The following GNG2 variants were observed in gnomAD, a reference collection of about 807,000 sequenced individuals.
GNG2 encodes G protein subunit gamma 2, also known as guanine nucleotide-binding protein G(I)/G(S)/G(O) subunit gamma-2.
GNG2 carries 5 observed loss-of-function variants against 5.5 expected under a neutral mutation model. The observed-to-expected ratio is 0.91, with a 90% confidence interval of 0.48 to 1.92. The LOEUF is 1.92. Among genes scored for constraint, GNG2 ranks in the 30% most tolerant of loss-of-function variants. The probability of loss-of-function intolerance (pLI) is 0.01; values close to 1 mark genes in which losing one functional copy is unlikely to be tolerated. For missense variants in GNG2, 55 were observed against 88.4 expected, an observed-to-expected ratio of 0.62 and a Z score of 1.52; for synonymous variants, 28 against 32.0, an observed-to-expected ratio of 0.88 and a Z score of 0.42.
Position 51,848,472 on chromosome 14 carries a change from T to A in GNG2, c.64+20665T>A, listed in dbSNP as rs188969643. Among the ~76,000 whole-genome samples the A allele has an allele frequency of 2.5e-3, 387 of 152,248 alleles. 1 individual carries two copies. Among genetic ancestry groups the A allele is most frequent in the Non-Finnish European group, 4.8e-3 (325 of 68,018 alleles). ...ATTCTGCTCTATCCATGCTGACCCC[T>A]CCTTGATGCTTCTGAACACACCCAA... On this transcript the variant is annotated intron_variant, in intron 2 of 3. Coordinates refer to the GNG2 transcript ENST00000553432.
chr14:51,968,510 G>C lies in GNG2; in HGVS notation c.*1823G>C, dbSNP rs534406525. On this transcript the variant is annotated 3_prime_UTR_variant, in exon 4 of 4. Coordinates refer to ENST00000556766, the MANE Select transcript of GNG2 (RefSeq NM_053064.5). ...TACATCCAATTAAAGCTCATGCTGG[G>C]GTCGGGGAGAAGAGGATACTGAAAC... 7 of 152,254 alleles carry C rather than the reference G, an allele frequency of 4.6e-5. No homozygotes were observed. In the East Asian group the frequency reaches 1.2e-3, roughly 25 times the overall value. 9.4% of individuals were successfully genotyped at this position (152,254 alleles called of 1,614,324 possible). A position where few individuals can be genotyped will look rare whatever the true frequency, so the allele number is the denominator to read the frequency against.
intron 2 of GNG2, among the ~76,000 whole-genome samples, chr14:51,915,067 G>A (rs1308497709): frequency 2.0e-5 from 3 of 152,186 alleles, no homozygotes; most frequent in Non-Finnish European, 4.4e-5. Context: ...AGAAAACTAT[G>A]TAACCCAAAG....
At chr14:51,957,986 C>T (rs1228147424) in intron 3 of GNG2, among the ~76,000 whole-genome samples, 1 of 152,176 alleles carries the variant, frequency 6.6e-6, no homozygotes, top group African/African-American at 2.4e-5. Flanking sequence ...TTAAGTTTCA[C>T]TACCTGACTA....
In GNG2 at chr14:51,968,671, C is replaced by T. The variant is rs556810116; in HGVS notation, c.*1984C>T. ...AAACAGCAGAGTATTTATTAAACTA[C>T]AGCATTGTACAATTAGCTTAGTAAC... On this transcript the variant is annotated 3_prime_UTR_variant, in exon 4 of 4. Coordinates refer to ENST00000556766, the MANE Select transcript of GNG2 (RefSeq NM_053064.5). 4 of 152,270 alleles carry T rather than the reference C, an allele frequency of 2.6e-5. No homozygotes were observed. The East Asian group carries it at 5.8e-4, about 22-fold the overall frequency. 9.4% of individuals were successfully genotyped at this position (152,270 alleles called of 1,614,324 possible).
At chr14:51,845,093 G>A (rs1881585618) in intron 2 of GNG2, among the ~76,000 whole-genome samples, 1 of 152,190 alleles carries the variant, frequency 6.6e-6, no homozygotes, top group Admixed American at 6.5e-5. Context: ...AAAAAACACT[G>A]AATTTATTGT....
chr14:51,964,643 A>C (rs1168648386), intron 3 of GNG2, among the ~76,000 whole-genome samples: 2 of 152,164 alleles, frequency 1.3e-5, no homozygotes, highest in Non-Finnish European at 2.9e-5. Context: ...GACCCCAAAA[A>C]TTCAACGGTT....
chr14:51,836,925 T>G (rs1881347560), intron 2 of GNG2, among the ~76,000 whole-genome samples: 2 of 149,912 alleles, frequency 1.3e-5, no homozygotes, highest in Non-Finnish European at 3.0e-5. Flanking sequence ...TGGCATGATC[T>G]CGGCTCATTG....
chr14:51,918,251 C>A (rs565429654), intron 2 of GNG2, among the ~76,000 whole-genome samples: 3 of 152,164 alleles, frequency 2.0e-5, no homozygotes, highest in Non-Finnish European at 4.4e-5. Flanking sequence ...TCTTCATGCC[C>A]GTGGTAAAGA....
upstream of GNG2, among the ~76,000 whole-genome samples, chr14:51,856,332 A>G (rs554324628): frequency 6.6e-6 from 1 of 152,308 alleles, no homozygotes; most frequent in South Asian, 2.1e-4. Flanking sequence ...TTGAGAGTGC[A>G]GAAGGGGATG....
At chr14:51,951,793 G>A (rs754412602) in intron 3 of GNG2, 347 of 678,486 alleles carry the variant, frequency 5.1e-4, no homozygotes, top group Non-Finnish European at 7.9e-4. Flanking sequence ...TATTGTCTAT[G>A]GCTGCTTTCA....
chr14:51,839,340 G>T (rs7161188), intron 2 of GNG2, among the ~76,000 whole-genome samples: 1 of 152,188 alleles, frequency 6.6e-6, no homozygotes, highest in African/African-American at 2.4e-5. Context: ...AGAGACAAAT[G>T]GTTGCATTCT....
intron 3 of GNG2, chr14:51,951,985 A>C (rs1396464091): frequency 1.5e-6 from 1 of 667,312 alleles, no homozygotes; most frequent in African/African-American, 1.8e-5. Context: ...ACCGAACCAC[A>C]CCCAAACCAA....
At chr14:51,847,107 T>G (rs554344074) in intron 2 of GNG2, 17 of 152,336 alleles carry the variant, frequency 1.1e-4, no homozygotes, top group African/African-American at 4.1e-4. Flanking sequence ...CAGAGGTCAT[T>G]ATGAAATCAA....
At chr14:51,884,924 G>T (rs1257851666) in intron 2 of GNG2, among the ~76,000 whole-genome samples, 1 of 152,152 alleles carries the variant, frequency 6.6e-6, no homozygotes, top group Non-Finnish European at 1.5e-5. Context: ...TTTCCAACTC[G>T]AGTTGAGAGG....
chr14:51,874,415 ACT>A (rs1162052968), intron 1 of GNG2, among the ~76,000 whole-genome samples: 9 of 124,662 alleles, frequency 7.2e-5, no homozygotes, highest in Non-Finnish European at 1.3e-4. Context: ...ACAGAGCGAG[ACT>A]CTGTCTCAAA....
intron 2 of GNG2, among the ~76,000 whole-genome samples, chr14:51,891,958 A>G (rs920297085): frequency 6.6e-6 from 1 of 152,202 alleles, no homozygotes; most frequent in African/African-American, 2.4e-5. Context: ...TTCAGTTGCT[A>G]AGGCATAGAA....
intron 2 of GNG2, among the ~76,000 whole-genome samples, chr14:51,848,381 G>A (rs1278397033): frequency 1.3e-5 from 2 of 152,140 alleles, no homozygotes; most frequent in African/African-American, 2.4e-5. Context: ...GAATACAACC[G>A]TGACCAACAA....
At chr14:51,949,945 A>T (rs533335848) in intron 2 of GNG2, among the ~76,000 whole-genome samples, 1 of 152,262 alleles carries the variant, frequency 6.6e-6, no homozygotes, top group East Asian at 1.9e-4. Context: ...CTGCCTAGGA[A>T]CAGAACTCTA....
At chr14:51,954,299 GAAAT>G (rs898785252) in intron 3 of GNG2, among the ~76,000 whole-genome samples, 3 of 152,138 alleles carry the variant, frequency 2.0e-5, no homozygotes, top group Admixed American at 6.6e-5. Context: ...AGGGTAAAGA[GAAAT>G]AAAAGGAAAT....
Sources: gnomAD v4.1 joint callset for allele counts (sites outside exome capture counted in the v4.1 genomes callset) on GRCh38, gnomAD v4.1.1 for gene constraint, MANE v1.5 for transcripts, NCBI Gene and HGNC (gene_info 2026-07-23, HGNC 2026-07-21) for gene names.